The following ERBB4 variants were observed in gnomAD, a reference collection of about 807,000 sequenced individuals.
The protein encoded by ERBB4 is erb-b2 receptor tyrosine kinase 4.
ERBB4 carries 42 observed loss-of-function variants against 158.0 expected under a neutral mutation model. The observed-to-expected ratio is 0.27, with a 90% CI of 0.21 to 0.34. The LOEUF is 0.34. Among genes scored for constraint, ERBB4 ranks in the 10% least tolerant of loss-of-function variants. The probability of loss-of-function intolerance (pLI) is 1.00; values close to 1 mark genes in which losing one functional copy is unlikely to be tolerated. For missense variants in ERBB4, 1,333 were observed against 1,624.1 expected, an observed-to-expected ratio of 0.82 and a Z score of 3.08; for synonymous variants, 583 against 558.7, an observed-to-expected ratio of 1.04 and a Z score of -0.61.
chr2:211,775,125 C>A (rs186115748), intron 4 of ERBB4, among the ~76,000 whole-genome samples: 1 of 152,242 alleles, frequency 6.6e-6, no homozygotes, highest in East Asian at 1.9e-4. Flanking sequence ...TTAAGTAATT[C>A]TTTGGGTAAG....
At chr2:212,273,431 G>C (rs2085413429) in intron 1 of ERBB4, among the ~76,000 whole-genome samples, 1 of 151,662 alleles carries the variant, frequency 6.6e-6, no homozygotes, top group Non-Finnish European at 1.5e-5. Context: ...AGTTATTTTT[G>C]AACTCATGGC....
chr2:211,399,650 A>T (rs920602378), intron 25 of ERBB4, among the ~76,000 whole-genome samples: 4 of 151,838 alleles, frequency 2.6e-5, no homozygotes, highest in African/African-American at 7.2e-5. Flanking sequence ...AAGTATTTTT[A>T]AAAGTATTCT....
At chr2:211,846,761 C>A (rs550100115) in intron 3 of ERBB4, among the ~76,000 whole-genome samples, 1 of 152,028 alleles carries the variant, frequency 6.6e-6, no homozygotes, top group East Asian at 1.9e-4. Context: ...TTCCCTAATT[C>A]GGCATTTGCA....
intron 25 of ERBB4, among the ~76,000 whole-genome samples, chr2:211,390,977 C>G (rs530930738): frequency 2.6e-5 from 4 of 152,198 alleles, no homozygotes; most frequent in South Asian, 4.2e-4. Context: ...TTCACTTCCC[C>G]GTGGAAGGGC....
chr2:212,228,260 T>C lies in ERBB4; in HGVS notation c.83-103357A>G, dbSNP rs568584378. Among the ~76,000 whole-genome samples, 5 of 152,226 alleles carry C rather than the reference T, an allele frequency of 3.3e-5. No homozygotes were observed. The East Asian group carries it at 7.7e-4, about 24-fold the overall frequency. On this transcript the variant is annotated intron_variant, in intron 1 of 27. Coordinates refer to ENST00000342788, the MANE Select transcript of ERBB4 (RefSeq NM_005235.3). Reference sequence around the variant, plus strand: ...ATCTAAAAACTTCTGATGGGAAAATTAGAAGAAGATGACAAAACCAGTGTA... The same window carrying C: ...ATCTAAAAACTTCTGATGGGAAAATCAGAAGAAGATGACAAAACCAGTGTA...
intron 1 of ERBB4, among the ~76,000 whole-genome samples, chr2:212,326,241 T>C (rs1042090551): frequency 6.6e-6 from 1 of 150,816 alleles, no homozygotes; most frequent in Non-Finnish European, 1.5e-5. Flanking sequence ...TGATTCCTAC[T>C]GGTTTTAGAT....
At chr2:212,444,899 A>G (rs900351448) in intron 1 of ERBB4, among the ~76,000 whole-genome samples, 15 of 151,808 alleles carry the variant, frequency 9.9e-5, no homozygotes, top group Non-Finnish European at 1.9e-4. Flanking sequence ...GTTTGTCCTC[A>G]CTGGAATAGA....
intron 3 of ERBB4, among the ~76,000 whole-genome samples, chr2:211,856,758 T>C (rs1043909348): frequency 6.6e-6 from 1 of 152,182 alleles, no homozygotes; most frequent in African/African-American, 2.4e-5. Flanking sequence ...TATATTTCCA[T>C]GGCTTATCTC....
intron 4 of ERBB4, among the ~76,000 whole-genome samples, chr2:211,766,906 C>T (rs1256342070): frequency 1.3e-5 from 2 of 152,160 alleles, no homozygotes; most frequent in African/African-American, 2.4e-5. Context: ...CTGGTCATGT[C>T]GGCCTTGTCT....
At chr2:212,377,938 A>G (rs2090379363) in intron 1 of ERBB4, among the ~76,000 whole-genome samples, 1 of 151,762 alleles carries the variant, frequency 6.6e-6, no homozygotes, top group African/African-American at 2.4e-5. Flanking sequence ...TCCTTCTTCT[A>G]TAAGCTTTTT....
intron 20 of ERBB4, among the ~76,000 whole-genome samples, chr2:211,493,546 C>A (rs1475667732): frequency 6.6e-6 from 1 of 150,554 alleles, no homozygotes; most frequent in African/African-American, 2.4e-5. Context: ...AATGAATAAC[C>A]AAACTTAAAA....
intron 1 of ERBB4, among the ~76,000 whole-genome samples, chr2:212,475,760 A>G (rs577653606): frequency 6.6e-6 from 1 of 152,298 alleles, no homozygotes; most frequent in South Asian, 2.1e-4. Context: ...GAATTAGAAC[A>G]AAAGTTATTG....
intron 1 of ERBB4, among the ~76,000 whole-genome samples, chr2:212,229,682 G>A (rs1200766985): frequency 6.6e-6 from 1 of 152,114 alleles, no homozygotes; most frequent in East Asian, 1.9e-4. Context: ...GGCTGTTACA[G>A]CTTATCCAGG....
At chr2:211,636,565 G>A (rs969829067) in intron 16 of ERBB4, among the ~76,000 whole-genome samples, 1 of 151,780 alleles carries the variant, frequency 6.6e-6, no homozygotes, top group African/African-American at 2.4e-5. Flanking sequence ...TGGCCAGGAC[G>A]GTCTTAGTTT....
At chr2:211,619,411 T>A in intron 18 of ERBB4, 136 bp from the exon 19 acceptor site, 1 of 637,908 alleles carries the variant, frequency 1.6e-6, no homozygotes, top group Non-Finnish European at 2.8e-6. Flanking sequence ...CAAGTTACTC[T>A]GCAACTTTGT....
intron 2 of ERBB4, among the ~76,000 whole-genome samples, chr2:212,003,076 A>AGAG (rs2125283889): frequency 7.1e-6 from 1 of 140,352 alleles, no homozygotes; most frequent in South Asian, 2.4e-4. Context: ...AGAGAGAGAG[A>AGAG]GAGAGAGAAA....
chr2:212,239,117 A>C (rs190291565), intron 1 of ERBB4, among the ~76,000 whole-genome samples: 210 of 152,330 alleles, frequency 1.4e-3, no homozygotes, highest in Admixed American at 4.5e-3. Flanking sequence ...GCAGTGATTC[A>C]GTCATAGCTC....
intron 19 of ERBB4, among the ~76,000 whole-genome samples, chr2:211,577,724 C>T (rs1169452233): frequency 6.6e-6 from 1 of 152,060 alleles, no homozygotes; most frequent in Non-Finnish European, 1.5e-5. Context: ...ATGATTATCT[C>T]AATAGATGCA....
rs190079029 is a variant in ERBB4, at chr2:212,373,798, T to C, written c.82+164651A>G. Among the ~76,000 whole-genome samples the C allele has an allele frequency of 3.2e-4, 38 of 120,328 alleles. 4 individuals carry two copies. The highest frequency in any genetic ancestry group is 1.2e-3 in the African/African-American group (38 of 32,482). 78.9% of individuals were successfully genotyped at this position (120,328 alleles called of 152,430 possible). ...CCATGTATATATCCACGTATATATA[T>C]CCATATATATATCCATGTATATATC... is the stretch of plus-strand genomic sequence containing the variant. On this transcript the variant is annotated intron_variant, in intron 1 of 27. Coordinates refer to ENST00000342788, the MANE Select transcript of ERBB4 (RefSeq NM_005235.3).
Sources: allele counts gnomAD v4.1 joint callset (sites outside exome capture counted in the v4.1 genomes callset), GRCh38; gene constraint gnomAD v4.1.1; transcripts MANE v1.5; gene names NCBI Gene and HGNC (gene_info 2026-07-23, HGNC 2026-07-21).